Variants in ADAMTS13 observed in about 807,000 individuals in gnomAD.
The protein encoded by ADAMTS13 is A disintegrin and metalloproteinase with thrombospondin motifs 13.
ADAMTS13 carries 110 observed loss-of-function variants against 155.1 expected under a neutral mutation model. The ratio of observed to expected loss-of-function variants is 0.71; its 90% CI spans 0.61 to 0.83. The LOEUF (loss-of-function observed/expected upper bound fraction) is 0.83, where lower values mean the gene tolerates loss of function less well. ADAMTS13 is among the 40% of genes least tolerant of loss of function. ADAMTS13 has a pLI of 0.00. For synonymous variants in ADAMTS13, 758 were observed against 756.4 expected, an observed-to-expected ratio of 1.00 and a Z score of -0.03; for missense variants, 1,707 against 1,891.7, an observed-to-expected ratio of 0.90 and a Z score of 1.81.
chr9:133,421,086 C>T (rs183578755), upstream of ADAMTS13, among the ~76,000 whole-genome samples: 2 of 152,150 alleles, frequency 1.3e-5, no homozygotes, highest in African/African-American at 2.4e-5. Flanking sequence ...GCCAACATGG[C>T]GAAACCCCAC....
Position 133,445,962 on chromosome 9 carries a change from G to A in ADAMTS13, c.2731+143G>A, listed in dbSNP as rs1219612733. ...GGGAACACGTGGTAATACACAAGGA[G>A]ACTAAGCATAGTAGCTGACAGCCAC... On this transcript the variant is annotated intron_variant, in intron 21 of 28. Transcript: ENST00000355699. This position sits in a 1 kb window ranked among gnomAD's most constrained non-coding sequence, Gnocchi z 5.0. 8 of 1,238,456 alleles carry A rather than the reference G, an allele frequency of 6.5e-6. No individual in the cohort carries two copies. The highest frequency in any genetic ancestry group is 3.1e-5 in the Admixed American group (1 of 32,324). The allele number at this position is 1,238,456 out of a possible 1,614,324, so 76.7% of individuals were successfully genotyped here.
At chr9:133,430,326 T>A in intron 8 of ADAMTS13, 1 of 679,252 alleles carries the variant, frequency 1.5e-6, no homozygotes, top group Non-Finnish European at 2.6e-6. Context: ...ACAAATTATG[T>A]AGCTAGTCCT....
At chr9:133,458,270 T>C (rs951793998) in intron 28 of ADAMTS13, among the ~76,000 whole-genome samples, 176 bp downstream of exon 28, 1 of 152,116 alleles carries the variant, frequency 6.6e-6, no homozygotes, top group Admixed American at 6.6e-5. Context: ...TTGAGCTACC[T>C]ACAAGAGTGA....
chr9:133,429,067 T>C (rs1181206575), intron 7 of ADAMTS13, among the ~76,000 whole-genome samples: 4 of 136,474 alleles, frequency 2.9e-5, no homozygotes, highest in East Asian at 2.3e-4. Context: ...CTGTCCTACC[T>C]CTCCATCCTG....
Position 133,425,758 on chromosome 9 carries a change from C to A in ADAMTS13, c.414+146C>A. The A allele has an allele frequency of 2.2e-6, 3 of 1,391,590 alleles. No individual in the cohort carries two copies. The highest frequency in any genetic ancestry group is 2.0e-6 in the Non-Finnish European group (2 of 1,010,388). 86.2% of individuals were successfully genotyped at this position (1,391,590 alleles called of 1,614,324 possible). A position where few individuals can be genotyped will look rare whatever the true frequency, so the allele number is the denominator to read the frequency against. ...CAGCCAGACAGACCAGCTGCCCTCC[C>A]AGCTCTACCCAGCACTCAGCACAGG... is the stretch of plus-strand genomic sequence containing the variant. On this transcript the variant is annotated intron_variant, in intron 4 of 28. Transcript: ENST00000355699. This position sits in a 1 kb window ranked among gnomAD's most constrained non-coding sequence, Gnocchi z 4.6.
intron 11 of ADAMTS13, among the ~76,000 whole-genome samples, chr9:133,435,732 C>T (rs1841150733): frequency 6.6e-6 from 1 of 151,614 alleles, no homozygotes; most frequent in Non-Finnish European, 1.5e-5. Context: ...CGGGGTTTCA[C>T]CATGTTAGCC....
At chr9:133,442,329 CA>C (rs1199926877) in intron 16 of ADAMTS13, 69 bp from the exon 17 acceptor site, 5 of 1,610,658 alleles carry the variant, frequency 3.1e-6, no homozygotes, top group Admixed American at 3.3e-5. Context: ...GAAGGCTTCC[CA>C]GGGGAGGTGG....
chr9:133,420,229 C>T (rs938081472), upstream of ADAMTS13, among the ~76,000 whole-genome samples: 2 of 151,874 alleles, frequency 1.3e-5, no homozygotes, highest in Non-Finnish European at 2.9e-5. Flanking sequence ...TGAAAAGAGA[C>T]GGGGTTTCAC....
intron 23 of ADAMTS13, among the ~76,000 whole-genome samples, chr9:133,451,443 A>C (rs782445666): frequency 2.6e-5 from 4 of 152,156 alleles, no homozygotes; most frequent in Non-Finnish European, 4.4e-5. Flanking sequence ...TTTTTAGTAG[A>C]GACAGGGTTT....
intron 11 of ADAMTS13, among the ~76,000 whole-genome samples, chr9:133,435,533 AT>A (rs71503347): frequency 2.0e-3 from 215 of 105,928 alleles, no homozygotes; most frequent in Middle Eastern, 6.3e-3. Context: ...TTCTTTCTTT[AT>A]TTTTTTTTTT....
In ADAMTS13 at chr9:133,456,190, T is replaced by A. The variant is rs1842731712; in HGVS notation, c.3522T>A (p.Leu1174=). ...GGGAGGTGGTGACCCTCCGCGTCCTTGAGAGTTCTCTCAACTGCAGTGCGG... is the reference window on the plus strand; with the variant it reads ...GGGAGGTGGTGACCCTCCGCGTCCTAGAGAGTTCTCTCAACTGCAGTGCGG... ...PLGEVVTLRV[L]ESSLNCSAGD... Residue 1174 remains leucine (L), a synonymous_variant, in exon 26 of 29, where the codon CTT becomes CTA. Transcript: ENST00000355699. The surrounding 1 kb of genome is among the most constrained non-coding windows in gnomAD (Gnocchi z 4.4). The A allele has an allele frequency of 6.2e-7, 1 of 1,613,540 alleles. No individual in the cohort carries two copies. The highest frequency in any genetic ancestry group is 8.5e-7 in the Non-Finnish European group (1 of 1,180,024).
rs121908471 is a variant in ADAMTS13, at chr9:133,433,478, G to A, written c.1193G>A (p.Arg398His). 3.1e-6 allele frequency: 5 copies of A among 1,613,330 alleles called. No individual in the cohort carries two copies. Among genetic ancestry groups the A allele is most frequent in the African/African-American group, 1.3e-5 (1 of 74,882 alleles). Residue 398 changes from arginine to histidine, a missense_variant, in exon 10 of 29, where the codon CGC (arginine) becomes CAC (histidine). Physicochemically the swap from Arg to His is conservative, Grantham distance 29. This residue lies in a region of ADAMTS13 where 733 missense variants were observed against 749.6 expected (regional missense o/e 0.98). Coordinates refer to ENST00000355699, the MANE Select transcript of ADAMTS13 (RefSeq NM_139027.6). Reference sequence around the variant, plus strand: ...TGGGGTCCCCGAAGTCCTTGCTCCCGCTCCTGCGGAGGAGGTGTGGTCACC... The same window carrying A: ...TGGGGTCCCCGAAGTCCTTGCTCCCACTCCTGCGGAGGAGGTGTGGTCACC... The part of the protein sequence containing the change: ...SSWGPRSPCS[R>H]SCGGGVVTRR...
Position 133,442,409 on chromosome 9 carries a change from G to A in ADAMTS13, c.1979G>A (p.Arg660Gln), listed in dbSNP as rs117943654. 29 of 1,613,914 alleles carry A rather than the reference G, an allele frequency of 1.8e-5. 1 individual carries two copies. The highest frequency in any genetic ancestry group is 4.4e-5 in the South Asian group (4 of 91,090). The change falls in exon 17 of 29, where the codon CGG becomes CAG. Residue 660 changes from arginine to glutamine, a missense_variant. Arg to Gln is a conservative substitution (Grantham distance 43). This residue lies in a region of ADAMTS13 where 961 missense variants were observed against 1,107.9 expected (regional missense o/e 0.87). Coordinates refer to ENST00000355699, the MANE Select transcript of ADAMTS13 (RefSeq NM_139027.6). ...GCTCTTTGTCTGCAGGTTTACAGGC[G>A]GTATGGCGAGGAGTATGGCAACCTC... is the stretch of plus-strand genomic sequence containing the variant. ...QEDADIQVYR[R>Q]YGEEYGNLTR...
chr9:133,429,818 G>T (rs782115852), intron 7 of ADAMTS13, 121 bp from the exon 8 acceptor site: 1 of 1,335,060 alleles, frequency 7.5e-7, no homozygotes, highest in South Asian at 1.3e-5. Context: ...GAGAACTCCT[G>T]TTCCCACTCA....
At chr9:133,430,749 C>CT (rs1840695969) in intron 8 of ADAMTS13, among the ~76,000 whole-genome samples, 3 of 148,612 alleles carry the variant, frequency 2.0e-5, no homozygotes, top group Admixed American at 2.0e-4. Context: ...CAGGCTCCGC[C>CT]TGCCAGATTC....
chr9:133,425,695 C>G lies in ADAMTS13; in HGVS notation c.414+83C>G. The G allele has an allele frequency of 2.0e-6, 3 of 1,484,658 alleles. No individual in the cohort carries two copies. In the African/African-American group the frequency reaches 4.2e-5, roughly 21 times the overall value. 92.0% of individuals were successfully genotyped at this position (1,484,658 alleles called of 1,614,324 possible). A position where few individuals can be genotyped will look rare whatever the true frequency, so the allele number is the denominator to read the frequency against. On this transcript the variant is annotated intron_variant, in intron 4 of 28. Coordinates refer to ENST00000355699, the MANE Select transcript of ADAMTS13 (RefSeq NM_139027.6). The surrounding 1 kb of genome is among the most constrained non-coding windows in gnomAD (Gnocchi z 4.6). ...ATCTCCATCCTCTTTAACCTCTTGTCCCGGATGCCCCAAGCAGCATGGATC... is the reference window on the plus strand; with the variant it reads ...ATCTCCATCCTCTTTAACCTCTTGTGCCGGATGCCCCAAGCAGCATGGATC...
intron 1 of ADAMTS13, among the ~76,000 whole-genome samples, chr9:133,416,943 G>A (rs1839655649): frequency 6.6e-6 from 1 of 152,200 alleles, no homozygotes. Flanking sequence ...TCACATGTCT[G>A]CTATCTGCTT....
rs151048660 is a variant in ADAMTS13, at chr9:133,433,442, G to A, written c.1157G>A (p.Arg386His). 376 of 1,613,410 alleles carry A rather than the reference G, an allele frequency of 2.3e-4. 1 individual carries two copies. Among genetic ancestry groups the A allele is most frequent in the Middle Eastern group, 2.3e-3 (14 of 6,044 alleles). ...ACCCCCATAGCAGCAGTGCATGGGC[G>A]CTGGTCTAGCTGGGGTCCCCGAAGT... ...ELTPIAAVHG[R>H]WSSWGPRSPC... Residue 386 changes from arginine to histidine, a missense_variant, in exon 10 of 29, where the codon CGC (arginine) becomes CAC (histidine). Physicochemically the swap from Arg to His is conservative, Grantham distance 29. Around this residue, in one of 3 missense-constraint regions of ADAMTS13, gnomAD observed 733 missense variants for 749.6 expected, o/e 0.98. Transcript: ENST00000355699.
chr9:133,431,945 T>G (rs1840801010), intron 8 of ADAMTS13, among the ~76,000 whole-genome samples: 2 of 151,812 alleles, frequency 1.3e-5, no homozygotes, highest in South Asian at 4.2e-4. Context: ...TGAGCCACAG[T>G]GCCCGGCCTT....
Sources: allele counts gnomAD v4.1 joint callset (sites outside exome capture counted in the v4.1 genomes callset), GRCh38; gene constraint gnomAD v4.1.1; regional missense constraint gnomAD v4.1.1; non-coding constraint Gnocchi (gnomAD v3.1); transcripts MANE v1.5; gene names NCBI Gene and HGNC (gene_info 2026-07-23, HGNC 2026-07-21).